The following ZNF423 variants were observed in gnomAD, a reference collection of about 807,000 sequenced individuals.
The protein encoded by ZNF423 is zinc finger protein 423.
ZNF423 carries 12 observed loss-of-function variants against 95.8 expected under a neutral mutation model. The observed-to-expected ratio is 0.13, with a 90% confidence interval of 0.08 to 0.20. ZNF423 has a LOEUF of 0.20. ZNF423 is among the 10% of genes least tolerant of loss of function. The pLI, the probability that ZNF423 is intolerant of heterozygous loss-of-function variation, is 1.00. For synonymous variants in ZNF423, 749 were observed against 711.9 expected (o/e 1.05, Z -0.83); for missense variants, 1,316 against 1,737.1 (o/e 0.76, Z 4.31).
Position 49,635,509 on chromosome 16 carries a change from T to C in ZNF423, c.3516+151A>G. 1.1e-6 allele frequency: 1 copy of C among 950,180 alleles called. No individual in the cohort carries two copies. The highest frequency in any genetic ancestry group is 1.4e-6 in the Non-Finnish European group (1 of 690,444). 58.9% of individuals were successfully genotyped at this position (950,180 alleles called of 1,614,324 possible). ...GCAATGGCAGTGCTGAGGTTCAAAC[T>C]CAAGGAGTCTACAGCACAGCAGTTC... is the stretch of plus-strand genomic sequence containing the variant. On this transcript the variant is annotated intron_variant, in intron 4 of 7. Coordinates refer to ENST00000563137, the MANE Select transcript of ZNF423 (RefSeq NM_001379286.1). The surrounding 1 kb of genome is among the most constrained non-coding windows in gnomAD (Gnocchi z 4.8).
intron 3 of ZNF423, among the ~76,000 whole-genome samples, chr16:49,687,043 C>G (rs1306368118): frequency 6.6e-6 from 1 of 151,994 alleles, no homozygotes; most frequent in South Asian, 2.1e-4. Context: ...GGCGACACCC[C>G]CTCCATGTCT....
At chr16:49,825,671 T>A (rs1026027645) in intron 1 of ZNF423, among the ~76,000 whole-genome samples, 10 of 152,048 alleles carry the variant, frequency 6.6e-5, no homozygotes, top group Non-Finnish European at 1.0e-4. Context: ...TATGAAGCAA[T>A]TAAGCTAATT....
intron 5 of ZNF423, among the ~76,000 whole-genome samples, chr16:49,543,714 C>T (rs1969339027): frequency 6.6e-6 from 1 of 152,184 alleles, no homozygotes; most frequent in Non-Finnish European, 1.5e-5. Flanking sequence ...CCCGCTGAGC[C>T]TATGTCCAGC....
chr16:49,725,314 C>T (rs1009998163), intron 3 of ZNF423, among the ~76,000 whole-genome samples: 4 of 151,990 alleles, frequency 2.6e-5, no homozygotes, highest in Non-Finnish European at 4.4e-5. Context: ...CACAGGAAGT[C>T]GAGGCTGCAG....
At chr16:49,548,844 A>C (rs377428260) in intron 5 of ZNF423, among the ~76,000 whole-genome samples, 22 of 152,282 alleles carry the variant, frequency 1.4e-4, no homozygotes, top group Non-Finnish European at 2.8e-4. Flanking sequence ...CCTGGCCAGA[A>C]AGGTGGCCCC....
chr16:49,562,414 T>C (rs150329900), intron 5 of ZNF423, among the ~76,000 whole-genome samples: 11 of 152,328 alleles, frequency 7.2e-5, no homozygotes, highest in African/African-American at 2.2e-4. Flanking sequence ...TGAGATCATG[T>C]AGGTAAAGTG....
intron 2 of ZNF423, among the ~76,000 whole-genome samples, chr16:49,760,043 A>G (rs2033798906): frequency 7.0e-6 from 1 of 143,036 alleles, no homozygotes; most frequent in Non-Finnish European, 1.5e-5. Context: ...TGGGGTGGGT[A>G]GATGGATGGA....
intron 4 of ZNF423, among the ~76,000 whole-genome samples, chr16:49,630,956 C>T (rs1972474314): frequency 6.6e-6 from 1 of 152,078 alleles, no homozygotes. Flanking sequence ...CACACGTATG[C>T]ATTCACATGC....
At chr16:49,643,114 C>T (rs1037548991) in intron 3 of ZNF423, among the ~76,000 whole-genome samples, 2 of 152,082 alleles carry the variant, frequency 1.3e-5, no homozygotes, top group Non-Finnish European at 2.9e-5. Flanking sequence ...AGTCACTGCG[C>T]CTGGCCCAAG....
At chr16:49,801,910 G>A (rs2034588239) in intron 1 of ZNF423, among the ~76,000 whole-genome samples, 1 of 152,166 alleles carries the variant, frequency 6.6e-6, no homozygotes, top group Admixed American at 6.5e-5. Context: ...GTGCGGTGGT[G>A]TGATCAGAGC....
At chr16:49,532,922 T>A (rs1049232591) in intron 5 of ZNF423, among the ~76,000 whole-genome samples, 1 of 152,116 alleles carries the variant, frequency 6.6e-6, no homozygotes, top group Non-Finnish European at 1.5e-5. Context: ...CGCTACCCCA[T>A]GGCAGGAGAA....
intron 5 of ZNF423, among the ~76,000 whole-genome samples, chr16:49,602,179 G>T (rs1340764762): frequency 1.3e-5 from 2 of 152,228 alleles, no homozygotes; most frequent in Non-Finnish European, 2.9e-5. Flanking sequence ...ACAGAGAGGG[G>T]CTAGAGTCCA....
intron 1 of ZNF423, among the ~76,000 whole-genome samples, chr16:49,842,446 CA>C (rs1250304387): frequency 3.4e-5 from 5 of 147,942 alleles, no homozygotes; most frequent in South Asian, 2.2e-4. Context: ...GGCAGGCAGG[CA>C]GGCCCATAAA....
chr16:49,637,321 C>T lies in ZNF423; in HGVS notation c.1855G>A (p.Glu619Lys). ...CGCTGCCGCTTCGGGGAAGACACCTCCACATCGGACGAGACTGGGCTCTGC... is the reference window on the plus strand; with the variant it reads ...CGCTGCCGCTTCGGGGAAGACACCTTCACATCGGACGAGACTGGGCTCTGC... ...AEQSPVSSDV[E>K]VSSPKRQRLS... Residue 619 changes from glutamate to lysine, a missense_variant, in exon 4 of 8, where the codon GAG becomes AAG. Physicochemically the swap from Glu to Lys is moderately conservative, Grantham distance 56 (BLOSUM62 1). Around this residue, in one of 6 missense-constraint regions of ZNF423, gnomAD observed 620 missense variants for 775.6 expected, o/e 0.80. Transcript: ENST00000563137. This position sits in a 1 kb window ranked among gnomAD's most constrained non-coding sequence, Gnocchi z 5.6. The T allele has an allele frequency of 1.2e-6, 2 of 1,614,200 alleles. No homozygotes were observed. Among genetic ancestry groups the T allele is most frequent in the African/African-American group, 1.3e-5 (1 of 75,058 alleles).
At chr16:49,666,532 A>G (rs2030554693) in intron 3 of ZNF423, among the ~76,000 whole-genome samples, 3 of 152,248 alleles carry the variant, frequency 2.0e-5, no homozygotes, top group African/African-American at 7.2e-5. Context: ...ACACAGACAC[A>G]CAGTTCTATA....
chr16:49,777,163 C>T (rs1024901716), intron 2 of ZNF423, among the ~76,000 whole-genome samples: 6 of 152,146 alleles, frequency 3.9e-5, no homozygotes, highest in South Asian at 2.1e-4. Flanking sequence ...CTTGGCTGTG[C>T]GTACATATGT....
At chr16:49,825,722 C>T (rs2034998357) in intron 1 of ZNF423, among the ~76,000 whole-genome samples, 1 of 152,132 alleles carries the variant, frequency 6.6e-6, no homozygotes, top group Non-Finnish European at 1.5e-5. Context: ...AACTTGAGAC[C>T]AGGGGACTCT....
intron 1 of ZNF423, among the ~76,000 whole-genome samples, chr16:49,816,853 T>G (rs1028316350): frequency 5.9e-5 from 9 of 152,136 alleles, no homozygotes; most frequent in Non-Finnish European, 8.8e-5. Context: ...AAGCAATGCT[T>G]CAGTCCTGGA....
At chr16:49,610,049 A>G (rs1376127484) in intron 5 of ZNF423, among the ~76,000 whole-genome samples, 1 of 152,252 alleles carries the variant, frequency 6.6e-6, no homozygotes, top group Non-Finnish European at 1.5e-5. Context: ...CAACTGCTGA[A>G]TAAAAAAGAA....
Sources: gnomAD v4.1 joint callset for allele counts (sites outside exome capture counted in the v4.1 genomes callset) on GRCh38, gnomAD v4.1.1 for gene constraint, gnomAD v4.1.1 regional missense constraint, Gnocchi (gnomAD v3.1) non-coding constraint, MANE v1.5 for transcripts, NCBI Gene and HGNC (gene_info 2026-07-23, HGNC 2026-07-21) for gene names.